Variants in CTNNA2 observed in about 807,000 individuals in gnomAD.
CTNNA2 encodes the protein catenin alpha 2.
CTNNA2 carries 42 observed loss-of-function variants against 101.0 expected under a neutral mutation model. The ratio of observed to expected loss-of-function variants is 0.42; its 90% CI spans 0.32 to 0.54. The LOEUF (loss-of-function observed/expected upper bound fraction) is 0.54, where lower values mean the gene tolerates loss of function less well. CTNNA2 is among the 20% of genes least tolerant of loss of function. The probability of loss-of-function intolerance (pLI) is 0.14; values close to 1 mark genes in which losing one functional copy is unlikely to be tolerated. For missense variants in CTNNA2, 871 were observed against 1,223.1 expected, an observed-to-expected ratio of 0.71 and a Z score of 4.29; for synonymous variants, 450 against 456.4, an observed-to-expected ratio of 0.99 and a Z score of 0.18.
chr2:80,077,182 A>G (rs1698812666), intron 7 of CTNNA2, among the ~76,000 whole-genome samples: 1 of 152,244 alleles, frequency 6.6e-6, no homozygotes, highest in Admixed American at 6.5e-5. Flanking sequence ...AAGTGATACA[A>G]CCTTCTTGGA....
At chr2:79,367,493 G>A (rs1435476799) in intron 3 of CTNNA2, among the ~76,000 whole-genome samples, 2 of 152,172 alleles carry the variant, frequency 1.3e-5, no homozygotes, top group African/African-American at 2.4e-5. Context: ...CTGGAGCCAG[G>A]TAAGCAATGG....
chr2:80,557,044 G>A (rs898777771), intron 12 of CTNNA2, among the ~76,000 whole-genome samples: 34 of 152,132 alleles, frequency 2.2e-4, no homozygotes, highest in Non-Finnish European at 2.1e-4. Context: ...TGTTAGCCTG[G>A]AATAGCAAGT....
intron 2 of CTNNA2, among the ~76,000 whole-genome samples, chr2:79,242,997 C>CACACACACACACACACAT (rs1553385590): frequency 8.3e-5 from 8 of 95,936 alleles, no homozygotes; most frequent in African/African-American, 1.7e-4. Context: ...TATATATACA[C>CACACACACACACACACAT]ACACACACAC....
intron 15 of CTNNA2, among the ~76,000 whole-genome samples, chr2:80,602,776 A>G (rs556727921): frequency 1.1e-4 from 16 of 152,074 alleles, no homozygotes; most frequent in Non-Finnish European, 2.1e-4. Context: ...TGCAAAATCA[A>G]ACTACTTTGT....
At chr2:79,482,023 A>G (rs1010960833) in intron 4 of CTNNA2, among the ~76,000 whole-genome samples, 1 of 152,196 alleles carries the variant, frequency 6.6e-6, no homozygotes, top group African/African-American at 2.4e-5. Context: ...GCTGAGCTGA[A>G]CAGACTGTGT....
intron 7 of CTNNA2, among the ~76,000 whole-genome samples, chr2:80,342,359 A>G (rs937660245): frequency 6.6e-6 from 1 of 152,208 alleles, no homozygotes; most frequent in Non-Finnish European, 1.5e-5. Flanking sequence ...GTCTCCAAGC[A>G]CTGCAATTCT....
intron 7 of CTNNA2, among the ~76,000 whole-genome samples, chr2:80,385,672 C>T (rs1274084176): frequency 1.3e-5 from 2 of 152,060 alleles, no homozygotes; most frequent in East Asian, 1.9e-4. Flanking sequence ...TTCTTCATCC[C>T]TTTCTTGCCG....
chr2:80,546,481 C>T (rs1692072123), intron 11 of CTNNA2, among the ~76,000 whole-genome samples: 3 of 151,838 alleles, frequency 2.0e-5, no homozygotes, highest in South Asian at 4.2e-4. Flanking sequence ...TGTTTTTTTT[C>T]CAACAAGTGA....
chr2:79,904,575 G>A (rs1212699835), intron 6 of CTNNA2, among the ~76,000 whole-genome samples: 2 of 152,144 alleles, frequency 1.3e-5, no homozygotes, highest in Non-Finnish European at 2.9e-5. Context: ...CAAAAGACCT[G>A]TGCTCAAATC....
At position 80,218,134 on chromosome 2, in the gene CTNNA2, A is replaced by G. The variant is rs1021469385; in HGVS notation, c.1057-175077A>G. Among the ~76,000 whole-genome samples, 4 of 152,212 alleles carry G rather than the reference A, an allele frequency of 2.6e-5. 1 individual carries two copies. In the East Asian group the frequency reaches 7.7e-4, roughly 29 times the overall value. ...GGGTGGAGCAGTTGAGGTGTTGAGTACTTCTCAATATCTCTGTTTTCACCA... is the reference window on the plus strand; with the variant it reads ...GGGTGGAGCAGTTGAGGTGTTGAGTGCTTCTCAATATCTCTGTTTTCACCA... On this transcript the variant is annotated intron_variant, in intron 7 of 18. Transcript: ENST00000402739.
At chr2:79,885,325 T>G (rs1683775810) in intron 6 of CTNNA2, among the ~76,000 whole-genome samples, 1 of 152,224 alleles carries the variant, frequency 6.6e-6, no homozygotes, top group African/African-American at 2.4e-5. Flanking sequence ...TTTATGTTTT[T>G]TGAGTATTGT....
chr2:80,546,890 C>G (rs1438995471), intron 11 of CTNNA2, among the ~76,000 whole-genome samples: 1 of 152,166 alleles, frequency 6.6e-6, no homozygotes, highest in Non-Finnish European at 1.5e-5. Flanking sequence ...AGCCAGCTGA[C>G]CCTTGGAAAT....
At chr2:80,155,436 A>G (rs1382811079) in intron 7 of CTNNA2, among the ~76,000 whole-genome samples, 2 of 152,210 alleles carry the variant, frequency 1.3e-5, no homozygotes, top group Non-Finnish European at 2.9e-5. Context: ...ATTAATGAGG[A>G]ACACTGTTTC....
chr2:79,324,131 T>C (rs556659429), intron 3 of CTNNA2, among the ~76,000 whole-genome samples: 2 of 152,154 alleles, frequency 1.3e-5, no homozygotes, highest in African/African-American at 2.4e-5. Flanking sequence ...TAAAATTCTT[T>C]TGATGGCAAG....
At chr2:79,459,395 A>ATT (rs201829130) in intron 4 of CTNNA2, among the ~76,000 whole-genome samples, 4 of 149,120 alleles carry the variant, frequency 2.7e-5, no homozygotes, top group South Asian at 4.3e-4. Flanking sequence ...AGTAAAAAGG[A>ATT]TTTTTTTTTT....
intron 4 of CTNNA2, among the ~76,000 whole-genome samples, chr2:79,417,781 G>A (rs1206113415): frequency 1.3e-5 from 2 of 150,934 alleles, no homozygotes; most frequent in Non-Finnish European, 2.9e-5. Flanking sequence ...ACTGGATGTT[G>A]TATGTGTGTG....
At chr2:79,413,934 CATATATATATATATATATATATATAT>C (rs70940033) in intron 4 of CTNNA2, among the ~76,000 whole-genome samples, 41,032 of 140,314 alleles carry the variant, frequency 0.29, 6,153 homozygotes, top group South Asian at 0.46. Flanking sequence ...GAGCTGAATT[CATATATATATATATATATATATATAT>C]ATATATATAT....
rs77459707 is a variant in CTNNA2 at position 80,518,878 on chromosome 2, T to C, written c.1291-26104T>C. Among the ~76,000 whole-genome samples the C allele has an allele frequency of 3.9e-4, 59 of 152,318 alleles. 3 individuals carry two copies. In the East Asian group the frequency reaches 0.011, roughly 28 times the overall value. ...AACCAAATCTAAACCTAGTATCTGA[T>C]TGTAATAGACTTATCTGTGCATTTT... On this transcript the variant is annotated intron_variant, in intron 9 of 18. Coordinates refer to ENST00000402739, the MANE Select transcript of CTNNA2 (RefSeq NM_001282597.3).
At chr2:79,930,204 T>C (rs1319925983) in intron 7 of CTNNA2, among the ~76,000 whole-genome samples, 2 of 148,646 alleles carry the variant, frequency 1.3e-5, no homozygotes, top group Admixed American at 6.8e-5. Flanking sequence ...GATCATGCCA[T>C]TGCACTGTAG....
Sources: gnomAD v4.1 joint callset for allele counts (sites outside exome capture counted in the v4.1 genomes callset) on GRCh38, gnomAD v4.1.1 for gene constraint, MANE v1.5 for transcripts, NCBI Gene and HGNC (gene_info 2026-07-23, HGNC 2026-07-21) for gene names.